Variants in LIG3 observed in about 807,000 individuals in gnomAD.
The protein encoded by LIG3 is ligase II, DNA, ATP-dependent.
A neutral mutation model predicts 110.9 loss-of-function variants in LIG3; 58 were observed. The observed-to-expected ratio is 0.52, with a 90% CI of 0.42 to 0.65. LIG3 has a LOEUF of 0.65. Among genes scored for constraint, LIG3 ranks in the 30% least tolerant of loss-of-function variants. The pLI is 0.00. For missense variants in LIG3, 1,094 were observed against 1,273.8 expected (o/e 0.86, Z 2.15); for synonymous variants, 422 against 472.8 (o/e 0.89, Z 1.39).
chr17:34,991,802 T>A lies in LIG3; in HGVS notation c.1173T>A (p.Asp391Glu). The change falls in exon 6 of 20, where the codon GAT becomes GAA. Residue 391 changes from aspartate (D) to glutamate (E), a missense_variant. Physicochemically the swap from Asp to Glu is conservative, Grantham distance 45. Transcript: ENST00000378526. The stretch of plus-strand genomic sequence containing the variant: ...GGCTGTCCAAGCTCACCAAGGAGGA[T>A]GAGCAGCAACAGGCCCTACAGGACA... ...LLRLSKLTKEDEQQQALQDIA... is the reference protein window; with the variant it reads ...LLRLSKLTKEEEQQQALQDIA... 6.2e-7 allele frequency: 1 copy of A among 1,614,130 alleles called. No individual in the cohort carries two copies. Among genetic ancestry groups the A allele is most frequent in the East Asian group, 2.2e-5 (1 of 44,878 alleles).
chr17:34,997,916 C>A, intron 12 of LIG3, 91 bp downstream of exon 12: 1 of 960,828 alleles, frequency 1.0e-6, no homozygotes, highest in Non-Finnish European at 1.7e-6. Flanking sequence ...AAGAATAAAT[C>A]TTAATGTCTT....
At position 35,004,330 on chromosome 17, in the gene LIG3, T is replaced by C. The variant is rs763866036; in HGVS notation, c.2854T>C (p.Phe952Leu). 1.9e-5 allele frequency: 30 copies of C among 1,614,062 alleles called. No homozygotes were observed. The South Asian group carries it at 2.0e-4, about 11-fold the overall frequency. The change falls in exon 20 of 20, where the codon TTC becomes CTC. Residue 952 changes from phenylalanine (F) to leucine (L), a missense_variant. Physicochemically the swap from Phe to Leu is conservative, Grantham distance 22. Transcript: ENST00000378526. The stretch of plus-strand genomic sequence containing the variant: ...TTACTTGCCACCCTCCACACCAGAC[T>C]TCAGCCGTCTCAGACGCTACTTTGT... The part of the protein sequence containing the change: ...RLYLPPSTPD[F>L]SRLRRYFVAF...
intron 3 of LIG3, among the ~76,000 whole-genome samples, chr17:34,989,036 C>T (rs941433331): frequency 2.6e-5 from 4 of 151,834 alleles, no homozygotes; most frequent in Non-Finnish European, 5.9e-5. Flanking sequence ...GAGGCAGGAT[C>T]TTACTATGTT....
At position 34,986,107 on chromosome 17, in the gene LIG3, C is replaced by G. The variant is rs747853017; in HGVS notation, c.667C>G (p.Pro223Ala). Residue 223 changes from proline (P) to alanine (A), a missense_variant, in exon 3 of 20, where the codon CCC becomes GCC. Pro to Ala is a conservative substitution (Grantham distance 27). Coordinates refer to ENST00000378526, the MANE Select transcript of LIG3 (RefSeq NM_013975.4). Reference sequence around the variant, plus strand: ...CGCCTCATTTGTCACCAGTACCAATCCCCGGAAATTTTCTGGCTTTTCAGG... The same window carrying G: ...CGCCTCATTTGTCACCAGTACCAATGCCCGGAAATTTTCTGGCTTTTCAGG... The part of the protein sequence containing the change: ...KGASFVTSTN[P>A]RKFSGFSAKP... The G allele has an allele frequency of 1.2e-6, 2 of 1,613,988 alleles. No homozygotes were observed. The highest frequency in any genetic ancestry group is 2.7e-5 in the African/African-American group (2 of 74,924).
chr17:35,001,228 G>C (rs2090837651), intron 16 of LIG3, 29 bp from the exon 17 acceptor site: 1 of 1,610,346 alleles, frequency 6.2e-7, no homozygotes, highest in African/African-American at 1.3e-5. Context: ...TTCTTAACCA[G>C]TGATGACCTG....
chr17:34,988,772 T>A (rs145211776), intron 3 of LIG3, among the ~76,000 whole-genome samples: 8 of 152,332 alleles, frequency 5.3e-5, no homozygotes, highest in African/African-American at 1.7e-4. Context: ...TTCTTAGTAG[T>A]GTCTTTGTCC....
chr17:34,988,269 T>C (rs1567687168), intron 3 of LIG3, among the ~76,000 whole-genome samples: 2 of 146,086 alleles, frequency 1.4e-5, no homozygotes, highest in Non-Finnish European at 3.0e-5. Flanking sequence ...TAGAGAAGAG[T>C]CCAGGTGATG....
chr17:35,000,406 G>T (rs1437623549), intron 16 of LIG3, among the ~76,000 whole-genome samples: 1 of 152,048 alleles, frequency 6.6e-6, no homozygotes, highest in African/African-American at 2.4e-5. Context: ...TTACAGGCAT[G>T]TGCCACCGTG....
chr17:34,992,792 T>C, intron 8 of LIG3, 100 bp downstream of exon 8: 1 of 1,198,576 alleles, frequency 8.3e-7, no homozygotes, highest in African/African-American at 1.6e-5. Flanking sequence ...CACTTGCAAA[T>C]TGACTGGAGA....
In LIG3 at chr17:35,001,318, A is replaced by C. The variant is rs773949692; in HGVS notation, c.2393A>C (p.Asp798Ala). ...TCCAAATCGGAGGCTCATACAGCTG[A>C]CGGGATCTCCATCCGATTCCCTCGC... ...EFSKSEAHTA[D>A]GISIRFPRCT... is the part of the protein sequence containing the mutation. The change falls in exon 17 of 20, where the codon GAC becomes GCC. Residue 798 changes from aspartate to alanine, a missense_variant. Coordinates refer to ENST00000378526, the MANE Select transcript of LIG3 (RefSeq NM_013975.4). 5 of 1,614,198 alleles carry C rather than the reference A, an allele frequency of 3.1e-6. No individual in the cohort carries two copies. The highest frequency in any genetic ancestry group is 4.2e-6 in the Non-Finnish European group (5 of 1,180,012).
Position 34,989,653 on chromosome 17 carries a change from C to T in LIG3, c.879C>T (p.Gly293=), listed in dbSNP as rs757880679. The change falls in exon 4 of 20, where the codon GGC becomes GGT. Residue 293 remains glycine (G), a synonymous_variant. Coordinates refer to ENST00000378526, the MANE Select transcript of LIG3 (RefSeq NM_013975.4). ...TQIIQDFLRK[G]SAGDGFHGDV... is the part of the protein sequence containing the mutation. ...TCATCCAGGACTTCCTTCGGAAAGG[C>T]TCAGCAGGAGGTGTGGCATGAGCAT... 2.5e-6 allele frequency: 4 copies of T among 1,614,160 alleles called. No homozygotes were observed. The highest frequency in any genetic ancestry group is 3.4e-6 in the Non-Finnish European group (4 of 1,180,012).
Position 35,001,284 on chromosome 17 carries a change from G to A in LIG3, c.2359G>A (p.Ala787Thr), listed in dbSNP as rs1266318572. Reference sequence around the variant, plus strand: ...AGCTGCCGTGTGGGAGATCACAGGGGCTGAATTCTCCAAATCGGAGGCTCA... The same window carrying A: ...AGCTGCCGTGTGGGAGATCACAGGGACTGAATTCTCCAAATCGGAGGCTCA... ...KKAAVWEITGAEFSKSEAHTA... is the reference protein window; with the variant it reads ...KKAAVWEITGTEFSKSEAHTA... Residue 787 changes from alanine to threonine, a missense_variant, in exon 17 of 20, where the codon GCT becomes ACT. Ala to Thr is a moderately conservative substitution (Grantham distance 58). Coordinates refer to ENST00000378526, the MANE Select transcript of LIG3 (RefSeq NM_013975.4). The A allele has an allele frequency of 1.2e-6, 2 of 1,614,114 alleles. No homozygotes were observed. Among genetic ancestry groups the A allele is most frequent in the South Asian group, 2.2e-5 (2 of 91,080 alleles).
At chr17:34,981,053 C>G (rs995838011) in intron 1 of LIG3, 1 of 152,350 alleles carries the variant, frequency 6.6e-6, no homozygotes, top group Non-Finnish European at 1.5e-5. Context: ...ACCCCACTGT[C>G]CCCGCCACTC....
At chr17:34,985,882 A>AGT in intron 2 of LIG3, 106 bp from the exon 3 acceptor site, 1 of 1,143,580 alleles carries the variant, frequency 8.7e-7, no homozygotes, top group African/African-American at 1.5e-5. Context: ...GTGCTAGGGT[A>AGT]GTGACTTAAC....
chr17:34,998,380 C>T (rs558532297), intron 13 of LIG3, 84 bp downstream of exon 13: 40 of 1,276,924 alleles, frequency 3.1e-5, no homozygotes, highest in Middle Eastern at 2.3e-4. Context: ...CAGGAGATGG[C>T]GGTGGCAGCC....
intron 5 of LIG3, 39 bp downstream of exon 5, chr17:34,991,153 TG>T (rs754650624): frequency 6.3e-7 from 1 of 1,595,370 alleles, no homozygotes; most frequent in Non-Finnish European, 8.5e-7. Flanking sequence ...ACATTCCAGG[TG>T]GGGTTTTGCC....
rs1045540385 is a variant in LIG3 at position 35,007,705 on chromosome 17, ACACAGCAGTCTGT to A, written c.*3203_*3215del. The A allele has an allele frequency of 6.6e-6, 1 of 151,324 alleles. No homozygotes were observed. The highest frequency in any genetic ancestry group is 1.5e-5 in the Non-Finnish European group (1 of 67,978). 9.4% of individuals were successfully genotyped at this position (151,324 alleles called of 1,614,324 possible). ...GGGAGGTTTGTACAAGCCTGCGCAC[ACACAGCAGTCTGT>A]CACGAGGCTGGGCCAACCTTTTTTT... On this transcript the variant is annotated 3_prime_UTR_variant, in exon 20 of 20. Coordinates refer to ENST00000378526, the MANE Select transcript of LIG3 (RefSeq NM_013975.4).
chr17:34,988,310 G>A (rs749412730), intron 3 of LIG3, among the ~76,000 whole-genome samples: 3 of 152,090 alleles, frequency 2.0e-5, no homozygotes, highest in Non-Finnish European at 4.4e-5. Context: ...GAAGGGCTCC[G>A]GTGTTGGGGA....
At position 34,991,134 on chromosome 17, in the gene LIG3, G is replaced by A; in HGVS notation, c.1041+20G>A. On this transcript the variant is annotated intron_variant, in intron 5 of 19. Transcript: ENST00000378526. Reference sequence around the variant, plus strand: ...GAGCAGGTCAGAGGAACGGGAGGGAGGGTAGGCTACATTCCAGGTGGGGTT... The same window carrying A: ...GAGCAGGTCAGAGGAACGGGAGGGAAGGTAGGCTACATTCCAGGTGGGGTT... The A allele has an allele frequency of 6.2e-7, 1 of 1,612,644 alleles. No individual in the cohort carries two copies. The highest frequency in any genetic ancestry group is 1.3e-5 in the African/African-American group (1 of 74,950).
Sources: allele counts gnomAD v4.1 joint callset (sites outside exome capture counted in the v4.1 genomes callset), GRCh38; gene constraint gnomAD v4.1.1; transcripts MANE v1.5; gene names NCBI Gene and HGNC (gene_info 2026-07-23, HGNC 2026-07-21).